Variants in MYO1E observed in about 807,000 individuals in gnomAD.
MYO1E encodes myosin IE.
In MYO1E, 68 loss-of-function variants were observed where a neutral mutation model predicts 151.1. The observed-to-expected ratio is 0.45, with a 90% CI of 0.37 to 0.55. MYO1E has a LOEUF of 0.55. Among genes scored for constraint, MYO1E ranks in the 20% least tolerant of loss-of-function variants. The pLI, the probability that MYO1E is intolerant of heterozygous loss-of-function variation, is 0.00. For synonymous variants in MYO1E, 601 were observed against 501.7 expected (o/e 1.20, Z -2.64); for missense variants, 1,363 against 1,389.3 (o/e 0.98, Z 0.30).
At chr15:59,310,480 T>A (rs1437343942) in intron 1 of MYO1E, among the ~76,000 whole-genome samples, 3 of 152,030 alleles carry the variant, frequency 2.0e-5, no homozygotes, top group Non-Finnish European at 4.4e-5. Context: ...GAGAAGGTCA[T>A]GTGATGATGG....
chr15:59,211,729 G>C (rs777834684), intron 12 of MYO1E, among the ~76,000 whole-genome samples: 1 of 152,084 alleles, frequency 6.6e-6, no homozygotes, highest in African/African-American at 2.4e-5. Flanking sequence ...AGGGTATAAA[G>C]CTAAGAATCA....
intron 1 of MYO1E, among the ~76,000 whole-genome samples, chr15:59,341,708 ACT>A (rs1345846200): frequency 6.6e-6 from 1 of 152,142 alleles, no homozygotes; most frequent in Admixed American, 6.5e-5. Context: ...GCTGATTAGT[ACT>A]CTGTTGTGTA....
chr15:59,288,666 T>C (rs2080401565), intron 1 of MYO1E, among the ~76,000 whole-genome samples: 1 of 152,244 alleles, frequency 6.6e-6, no homozygotes, highest in Non-Finnish European at 1.5e-5. Flanking sequence ...TGTCATCTCA[T>C]CTGGCTAATA....
intron 5 of MYO1E, among the ~76,000 whole-genome samples, chr15:59,235,459 A>G (rs1397405950): frequency 1.3e-5 from 2 of 152,222 alleles, no homozygotes; most frequent in Admixed American, 1.3e-4. Context: ...GTCTTTTGTA[A>G]TTAATGATAC....
chr15:59,161,419 G>C (rs1261051342), intron 23 of MYO1E, among the ~76,000 whole-genome samples, 189 bp from the exon 24 acceptor site: 4 of 152,200 alleles, frequency 2.6e-5, no homozygotes, highest in Admixed American at 2.6e-4. Flanking sequence ...GCATGACAAT[G>C]AGCCAGAAAA....
At chr15:59,315,878 G>A (rs571779961) in intron 1 of MYO1E, among the ~76,000 whole-genome samples, 5 of 152,184 alleles carry the variant, frequency 3.3e-5, no homozygotes, top group Admixed American at 1.3e-4. Context: ...ACTTGCAAAG[G>A]TGGAATTAGA....
intron 4 of MYO1E, among the ~76,000 whole-genome samples, chr15:59,240,231 G>C (rs1213405383): frequency 1.3e-5 from 2 of 152,214 alleles, no homozygotes; most frequent in Non-Finnish European, 2.9e-5. Context: ...CCAGTCTCCA[G>C]GGACAGAGTC....
chr15:59,241,527 C>T (rs769357608), intron 4 of MYO1E, among the ~76,000 whole-genome samples: 2 of 151,954 alleles, frequency 1.3e-5, no homozygotes, highest in Non-Finnish European at 2.9e-5. Context: ...ATGGTAAAAC[C>T]CCGTCTCTAC....
At chr15:59,320,174 C>T (rs2080616878) in intron 1 of MYO1E, among the ~76,000 whole-genome samples, 1 of 152,106 alleles carries the variant, frequency 6.6e-6, no homozygotes, top group African/African-American at 2.4e-5. Flanking sequence ...TCACAGATGA[C>T]ACAAACGAAT....
At chr15:59,319,173 T>G (rs2080608697) in intron 1 of MYO1E, among the ~76,000 whole-genome samples, 1 of 152,078 alleles carries the variant, frequency 6.6e-6, no homozygotes, top group African/African-American at 2.4e-5. Flanking sequence ...AAGCCTGGCA[T>G]GGTGACAGGC....
chr15:59,217,910 A>C lies in MYO1E; in HGVS notation c.1088T>G (p.Val363Gly). ...DALAKALHAR[V>G]FDFLVDSINK... ...ACTTACATCTACCAAGAAATCAAAG[A>C]CCCGGGCGTGCAGGGCCTTGGCGAG... is the stretch of plus-strand genomic sequence containing the variant. Residue 363 changes from valine to glycine, a missense_variant, in exon 10 of 28, where the codon GTC (valine) becomes GGC (glycine). Physicochemically the swap from Val to Gly is moderately radical, Grantham distance 109 (BLOSUM62 -3). Coordinates refer to ENST00000288235, the MANE Select transcript of MYO1E (RefSeq NM_004998.4). 1 of 1,614,010 alleles carries C rather than the reference A, an allele frequency of 6.2e-7. No individual in the cohort carries two copies.
intron 25 of MYO1E, among the ~76,000 whole-genome samples, chr15:59,155,900 C>T (rs1380334863): frequency 6.6e-6 from 1 of 152,140 alleles, no homozygotes; most frequent in Non-Finnish European, 1.5e-5. Context: ...GACAGACTCT[C>T]ACTCAGTTAC....
At chr15:59,246,056 C>T (rs2080127927) in intron 4 of MYO1E, among the ~76,000 whole-genome samples, 1 of 152,180 alleles carries the variant, frequency 6.6e-6, no homozygotes, top group African/African-American at 2.4e-5. Context: ...ACTGGGCTCA[C>T]AGGTACCTAC....
chr15:59,359,241 C>T (rs761404267), intron 1 of MYO1E, among the ~76,000 whole-genome samples: 2 of 148,852 alleles, frequency 1.3e-5, no homozygotes, highest in Admixed American at 6.7e-5. Flanking sequence ...GCCTGAGCAA[C>T]AAAGTGAGAC....
Position 59,256,348 on chromosome 15 carries a change from C to T in MYO1E, c.268G>A (p.Ala90Thr), listed in dbSNP as rs1260928612. The change falls in exon 4 of 28, where the codon GCC (alanine) becomes ACC (threonine). Residue 90 changes from alanine (A) to threonine (T), a missense_variant. Physicochemically the swap from Ala to Thr is moderately conservative, Grantham distance 58. Transcript: ENST00000288235. ...TTTCTGTACATATTATCTGCAAGGG[C>T]ATAGATATGTGGTGGGTTTTCATAC... ...AQYENPPHIY[A>T]LADNMYRNMI... The T allele has an allele frequency of 1.2e-6, 2 of 1,612,174 alleles. No homozygotes were observed. The highest frequency in any genetic ancestry group is 1.7e-6 in the Non-Finnish European group (2 of 1,178,786).
At chr15:59,306,984 T>C (rs2080518382) in intron 1 of MYO1E, among the ~76,000 whole-genome samples, 2 of 152,190 alleles carry the variant, frequency 1.3e-5, no homozygotes, top group Non-Finnish European at 2.9e-5. Context: ...TTCTGTGGGA[T>C]GGACTTCAAA....
At chr15:59,263,949 C>A (rs1470654317) in intron 2 of MYO1E, among the ~76,000 whole-genome samples, 1 of 152,010 alleles carries the variant, frequency 6.6e-6, no homozygotes, top group Non-Finnish European at 1.5e-5. Context: ...TCCATGATGC[C>A]GTAGCCAAGA....
Position 59,331,062 on chromosome 15 carries a change from G to C in MYO1E, c.3+41436C>G, listed in dbSNP as rs544581277. ...TGAGATTACAGGTGTGAGCCACGACGCCCAGTCTGATTGTTTTTGTAAACC... is the reference window on the plus strand; with the variant it reads ...TGAGATTACAGGTGTGAGCCACGACCCCCAGTCTGATTGTTTTTGTAAACC... On this transcript the variant is annotated intron_variant, in intron 1 of 27. Coordinates refer to ENST00000288235, the MANE Select transcript of MYO1E (RefSeq NM_004998.4). 2.0e-5 allele frequency among the ~76,000 whole-genome samples: 3 copies of C among 152,106 alleles called. No homozygotes were observed. In the South Asian group the frequency reaches 6.2e-4, roughly 31 times the overall value.
At chr15:59,230,695 T>C (rs1484700693) in intron 6 of MYO1E, among the ~76,000 whole-genome samples, 2 of 152,194 alleles carry the variant, frequency 1.3e-5, no homozygotes, top group African/African-American at 2.4e-5. Flanking sequence ...GTCTAACAGA[T>C]AGAACCCACC....
Sources: allele counts gnomAD v4.1 joint callset (sites outside exome capture counted in the v4.1 genomes callset), GRCh38; gene constraint gnomAD v4.1.1; transcripts MANE v1.5; gene names NCBI Gene and HGNC (gene_info 2026-07-23, HGNC 2026-07-21).